The following CCDC80 variants were observed in gnomAD, a reference collection of about 807,000 sequenced individuals.
CCDC80 encodes coiled-coil domain containing 80.
CCDC80 carries 49 observed loss-of-function variants against 78.7 expected under a neutral mutation model. The ratio of observed to expected loss-of-function variants is 0.62; its 90% CI spans 0.50 to 0.79. CCDC80 has a LOEUF of 0.79. Among genes scored for constraint, CCDC80 ranks in the 30% least tolerant of loss-of-function variants. The probability of loss-of-function intolerance (pLI) is 0.00; values close to 1 mark genes in which losing one functional copy is unlikely to be tolerated. For missense variants in CCDC80, 1,205 were observed against 1,198.6 expected, an observed-to-expected ratio of 1.01 and a Z score of -0.08; for synonymous variants, 488 against 447.0, an observed-to-expected ratio of 1.09 and a Z score of -1.16.
intron 5 of CCDC80, among the ~76,000 whole-genome samples, chr3:112,616,434 G>GA (rs138795484): frequency 0.15 from 5,359 of 35,742 alleles, 376 homozygotes; most frequent in African/African-American, 0.38. Flanking sequence ...CAAAGAAAGA[G>GA]AAAAAAAAAG....
intron 7 of CCDC80, 86 bp downstream of exon 7, chr3:112,607,090 G>T: frequency 1.0e-6 from 1 of 978,184 alleles, no homozygotes; most frequent in Middle Eastern, 2.1e-4. Context: ...TCACCTTAGA[G>T]ATACACCCAC....
chr3:112,612,739 T>C (rs1935655950), intron 5 of CCDC80, among the ~76,000 whole-genome samples: 1 of 152,076 alleles, frequency 6.6e-6, no homozygotes, highest in South Asian at 2.1e-4. Context: ...ACCAAATGAG[T>C]GCTGTTGAAG....
rs1936324288 is a variant in CCDC80 at position 112,640,783 on chromosome 3, G to T, written c.-468C>A. The T allele has an allele frequency of 6.6e-6, 1 of 152,200 alleles. No individual in the cohort carries two copies. Among genetic ancestry groups the T allele is most frequent in the South Asian group, 2.1e-4 (1 of 4,812 alleles). 9.4% of individuals were successfully genotyped at this position (152,200 alleles called of 1,614,324 possible). A position where few individuals can be genotyped will look rare whatever the true frequency, so the allele number is the denominator to read the frequency against. On this transcript the variant is annotated 5_prime_UTR_variant, in exon 1 of 8. Transcript: ENST00000206423. Reference sequence around the variant, plus strand: ...TTATCTCCCTTTCCCCCATAGTCTGGCTTAGTCTCTTTGTTTCCGGGCGTA... The same window carrying T: ...TTATCTCCCTTTCCCCCATAGTCTGTCTTAGTCTCTTTGTTTCCGGGCGTA...
rs569959733 is a variant in CCDC80 at position 112,639,434 on chromosome 3, G to T, written c.472C>A (p.His158Asn). Residue 158 changes from histidine to asparagine, a missense_variant, in exon 2 of 8, where the codon CAT becomes AAT. His to Asn is a moderately conservative substitution (Grantham distance 68). Coordinates refer to ENST00000206423, the MANE Select transcript of CCDC80 (RefSeq NM_199511.3). ...AGGCGGTAGTAGCCTTCCGAGGCAT[G>T]AGGGGCTGAGATGACCCATACTCTG... ...KNRVWVISAP[H>N]ASEGYYRLMM... 6.2e-7 allele frequency: 1 copy of T among 1,614,164 alleles called. No individual in the cohort carries two copies. The highest frequency in any genetic ancestry group is 1.1e-5 in the South Asian group (1 of 91,084).
chr3:112,613,349 T>G (rs1262253420), intron 5 of CCDC80, among the ~76,000 whole-genome samples: 1 of 152,162 alleles, frequency 6.6e-6, no homozygotes, highest in East Asian at 1.9e-4. Context: ...TATATATATC[T>G]CTGAATATCC....
At chr3:112,626,008 G>C (rs6774572) in intron 3 of CCDC80, among the ~76,000 whole-genome samples, 15,504 of 152,092 alleles carry the variant, frequency 0.1, 869 homozygotes, top group South Asian at 0.2. Flanking sequence ...TACCTTATCT[G>C]ATGACTACAA....
rs1336183002 is a variant in CCDC80 at position 112,639,652 on chromosome 3, A to G, written c.254T>C (p.Leu85Pro). ...QRRRSVPVLR[L>P]ARPTEPPARS... ...GGCTGGCGGCTCTGTTGGGCGAGCT[A>G]GTCTCAACACGGGCACACTCCTCCT... is the stretch of plus-strand genomic sequence containing the variant. The change falls in exon 2 of 8, where the codon CTA (leucine) becomes CCA (proline). Residue 85 changes from leucine to proline, a missense_variant. Transcript: ENST00000206423. 1 of 1,613,998 alleles carries G rather than the reference A, an allele frequency of 6.2e-7. No individual in the cohort carries two copies. Among genetic ancestry groups the G allele is most frequent in the East Asian group, 2.2e-5 (1 of 44,878 alleles).
intron 5 of CCDC80, among the ~76,000 whole-genome samples, chr3:112,612,660 T>G (rs2107474684): frequency 6.6e-6 from 1 of 152,276 alleles, no homozygotes; most frequent in Non-Finnish European, 1.5e-5. Context: ...TTAACTGGCA[T>G]GCCCAAATTA....
intron 3 of CCDC80, among the ~76,000 whole-genome samples, chr3:112,626,600 T>G (rs1439981722): frequency 1.3e-5 from 2 of 152,110 alleles, no homozygotes; most frequent in Non-Finnish European, 2.9e-5. Context: ...CAGGTTAGAG[T>G]GTACTGGCAT....
At chr3:112,608,903 C>A (rs941024693) in intron 6 of CCDC80, among the ~76,000 whole-genome samples, 1 of 152,170 alleles carries the variant, frequency 6.6e-6, no homozygotes, top group African/African-American at 2.4e-5. Flanking sequence ...CATACTAGGT[C>A]ATAACAAGGA....
At chr3:112,633,933 C>T (rs900779999) in intron 2 of CCDC80, among the ~76,000 whole-genome samples, 3 of 152,168 alleles carry the variant, frequency 2.0e-5, no homozygotes, top group Non-Finnish European at 2.9e-5. Flanking sequence ...GGCAATAAAT[C>T]AGGGCATGTA....
intron 7 of CCDC80, among the ~76,000 whole-genome samples, chr3:112,606,956 A>G (rs189122812): frequency 1.3e-5 from 2 of 152,222 alleles, no homozygotes; most frequent in Admixed American, 6.5e-5. Flanking sequence ...TGTTACTTGG[A>G]ATGGTTTATA....
rs547014034 is a variant in CCDC80 at position 112,611,358 on chromosome 3, G to A, written c.2322-1277C>T. On this transcript the variant is annotated intron_variant, in intron 5 of 7. Transcript: ENST00000206423. ...CTTAATCTGCAGGCTTCTGGGTGTA[G>A]AACTTTATCCATTAACAGACGTTGA... 1.1e-3 allele frequency among the ~76,000 whole-genome samples: 164 copies of A among 152,304 alleles called. 4 individuals carry two copies. In the South Asian group the frequency reaches 0.031, roughly 29 times the overall value.
Position 112,598,444 on chromosome 3 carries a change from A to T in CCDC80, c.*6973T>A, listed in dbSNP as rs2172196. On this transcript the variant is annotated 3_prime_UTR_variant, in exon 8 of 8. Coordinates refer to ENST00000206423, the MANE Select transcript of CCDC80 (RefSeq NM_199511.3). ...GATAGAGGGGCCTGGGAAAGGAGAA[A>T]AGGACCAGGAGAGAGGAAGGTATAC... 1 of 152,306 alleles carries T rather than the reference A, an allele frequency of 6.6e-6. No individual in the cohort carries two copies. The highest frequency in any genetic ancestry group is 2.4e-5 in the African/African-American group (1 of 41,366). 9.4% of individuals were successfully genotyped at this position (152,306 alleles called of 1,614,324 possible).
Position 112,605,703 on chromosome 3 carries a change from T to G in CCDC80, c.2567A>C (p.Tyr856Ser). 6.2e-7 allele frequency: 1 copy of G among 1,614,208 alleles called. No individual in the cohort carries two copies. The highest frequency in any genetic ancestry group is 8.5e-7 in the Non-Finnish European group (1 of 1,180,040). Residue 856 changes from tyrosine to serine, a missense_variant, in exon 8 of 8, where the codon TAT becomes TCT. Transcript: ENST00000206423. ...GAAGTACTCCGGGCTCACTTGAAAA[T>G]AGTTACGAATGTCTTTCACCAAATG... ...PAHLVKDIRN[Y>S]FQVSPEYFSM... is the part of the protein sequence containing the mutation.
At chr3:112,630,003 C>T in intron 3 of CCDC80, 110 bp downstream of exon 3, 1 of 969,782 alleles carries the variant, frequency 1.0e-6, no homozygotes, top group Non-Finnish European at 1.6e-6. Flanking sequence ...ACCAAAGAGC[C>T]CTCTGAACAT....
chr3:112,624,660 A>G (rs911719178), intron 3 of CCDC80, among the ~76,000 whole-genome samples: 3 of 152,182 alleles, frequency 2.0e-5, no homozygotes, highest in Non-Finnish European at 4.4e-5. Context: ...TTTTCTCTAG[A>G]AAGAGCAACT....
rs1047794662 is a variant in CCDC80, at chr3:112,601,648, C to T, written c.*3769G>A. On this transcript the variant is annotated 3_prime_UTR_variant, in exon 8 of 8. Transcript: ENST00000206423. The stretch of plus-strand genomic sequence containing the variant: ...GAGCCAAGATTGCACTACTGCACTG[C>T]AGCCTGGGTGACAGAGTGAGACCCT... The T allele has an allele frequency of 1.4e-5, 2 of 140,530 alleles. No individual in the cohort carries two copies. Among genetic ancestry groups the T allele is most frequent in the Non-Finnish European group, 3.0e-5 (2 of 67,580 alleles). 8.7% of individuals were successfully genotyped at this position (140,530 alleles called of 1,614,324 possible). A position where few individuals can be genotyped will look rare whatever the true frequency, so the allele number is the denominator to read the frequency against.
Position 112,605,362 on chromosome 3 carries a change from G to T in CCDC80, c.*55C>A. The T allele has an allele frequency of 8.2e-7, 1 of 1,225,314 alleles. No individual in the cohort carries two copies. The highest frequency in any genetic ancestry group is 1.2e-6 in the Non-Finnish European group (1 of 854,778). The allele number at this position is 1,225,314 out of a possible 1,614,324, so 75.9% of individuals were successfully genotyped here. ...TGTGGAAGAATGGAGCTGGCCACATGTAGTTTTAGCAGCTGCAGAGGAAAC... is the reference window on the plus strand; with the variant it reads ...TGTGGAAGAATGGAGCTGGCCACATTTAGTTTTAGCAGCTGCAGAGGAAAC... On this transcript the variant is annotated 3_prime_UTR_variant, in exon 8 of 8. Transcript: ENST00000206423.
Sources: allele counts gnomAD v4.1 joint callset (sites outside exome capture counted in the v4.1 genomes callset), GRCh38; gene constraint gnomAD v4.1.1; transcripts MANE v1.5; gene names NCBI Gene and HGNC (gene_info 2026-07-23, HGNC 2026-07-21).